The following SLC39A11 variants were observed in gnomAD, a reference collection of about 807,000 sequenced individuals.
SLC39A11 encodes solute carrier family 39 member 11.
SLC39A11 carries 33 observed loss-of-function variants against 36.1 expected under a neutral mutation model. The ratio of observed to expected loss-of-function variants is 0.91; its 90% CI spans 0.69 to 1.22. The LOEUF (loss-of-function observed/expected upper bound fraction) is 1.22. SLC39A11 is among the 50% of genes most tolerant of loss of function. SLC39A11 has a pLI of 0.00. For missense variants in SLC39A11, 432 were observed against 430.3 expected (o/e 1.00, Z -0.03); for synonymous variants, 166 against 170.3 (o/e 0.97, Z 0.20).
chr17:73,084,419 C>T (rs1247099628), intron 3 of SLC39A11, among the ~76,000 whole-genome samples: 2 of 104,084 alleles, frequency 1.9e-5, no homozygotes, highest in Non-Finnish European at 3.5e-5. Flanking sequence ...GCCTGGGTGA[C>T]AGGGTAAGGC....
At chr17:72,879,062 C>G (rs2081060470) in intron 5 of SLC39A11, among the ~76,000 whole-genome samples, 1 of 152,220 alleles carries the variant, frequency 6.6e-6, no homozygotes, top group Non-Finnish European at 1.5e-5. Context: ...CAAATGGAAG[C>G]AATGCATAGG....
At chr17:72,911,081 C>T (rs1374274533) in intron 5 of SLC39A11, among the ~76,000 whole-genome samples, 3 of 152,020 alleles carry the variant, frequency 2.0e-5, no homozygotes, top group East Asian at 1.9e-4. Flanking sequence ...ACTTATAAAA[C>T]AAGTAACAGA....
intron 7 of SLC39A11, among the ~76,000 whole-genome samples, chr17:72,674,266 CT>C (rs2071154719): frequency 6.6e-6 from 1 of 152,048 alleles, no homozygotes; most frequent in Non-Finnish European, 1.5e-5. Context: ...CTTATATCTC[CT>C]TCCTTTTTAC....
intron 6 of SLC39A11, among the ~76,000 whole-genome samples, chr17:72,805,646 T>C (rs974199001): frequency 6.6e-6 from 1 of 152,216 alleles, no homozygotes; most frequent in Non-Finnish European, 1.5e-5. Context: ...TCTTACCTGA[T>C]CAATTCTTGT....
intron 5 of SLC39A11, among the ~76,000 whole-genome samples, chr17:72,934,754 G>A (rs754105000): frequency 3.3e-5 from 5 of 152,186 alleles, no homozygotes; most frequent in East Asian, 1.9e-4. Context: ...AAGATGTACA[G>A]ATGGCAAATG....
At chr17:72,674,408 G>A in intron 7 of SLC39A11, among the ~76,000 whole-genome samples, 1 of 152,046 alleles carries the variant, frequency 6.6e-6, no homozygotes, top group South Asian at 2.1e-4. Context: ...ACTAATCCAT[G>A]GTGTGGCTAC....
At chr17:73,061,216 C>T (rs1347322729) in intron 3 of SLC39A11, among the ~76,000 whole-genome samples, 1 of 152,000 alleles carries the variant, frequency 6.6e-6, no homozygotes, top group Non-Finnish European at 1.5e-5. Context: ...AAAAATTAGC[C>T]GGGAGTGGTA....
intron 7 of SLC39A11, among the ~76,000 whole-genome samples, chr17:72,733,184 C>A (rs1018420187): frequency 6.6e-6 from 1 of 152,200 alleles, no homozygotes; most frequent in African/African-American, 2.4e-5. Context: ...CCACCTACCA[C>A]GGTGTCTTTG....
At chr17:72,948,740 C>T (rs1209684655) in intron 4 of SLC39A11, among the ~76,000 whole-genome samples, 2 of 152,196 alleles carry the variant, frequency 1.3e-5, no homozygotes, top group African/African-American at 4.8e-5. Context: ...CAGGCAAAAT[C>T]GTGCGTTTGA....
chr17:72,777,143 A>C (rs1169257212), intron 6 of SLC39A11, among the ~76,000 whole-genome samples: 1 of 152,182 alleles, frequency 6.6e-6, no homozygotes, highest in Non-Finnish European at 1.5e-5. Flanking sequence ...AATAAGACTT[A>C]AAACAACAAT....
At chr17:72,739,719 C>T (rs867371173) in intron 6 of SLC39A11, among the ~76,000 whole-genome samples, 64 of 152,252 alleles carry the variant, frequency 4.2e-4, no homozygotes, top group Middle Eastern at 3.4e-3. Context: ...AGCTCTGAGG[C>T]TGAAGGTGGC....
intron 6 of SLC39A11, among the ~76,000 whole-genome samples, chr17:72,754,261 T>A (rs946540859): frequency 1.3e-5 from 2 of 151,878 alleles, no homozygotes; most frequent in African/African-American, 4.8e-5. Context: ...TGCAAAGGCA[T>A]ACGAATGACA....
chr17:72,717,493 C>T (rs2073458119), intron 7 of SLC39A11, among the ~76,000 whole-genome samples: 1 of 152,160 alleles, frequency 6.6e-6, no homozygotes, highest in Non-Finnish European at 1.5e-5. Context: ...CATTCCCCAG[C>T]TTCTAGACAC....
At position 72,849,683 on chromosome 17, in the gene SLC39A11, C is replaced by G. The variant is rs1027614641; in HGVS notation, c.552G>C (p.Trp184Cys). 3.1e-6 allele frequency: 5 copies of G among 1,608,052 alleles called. No individual in the cohort carries two copies. Among genetic ancestry groups the G allele is most frequent in the Non-Finnish European group, 4.2e-6 (5 of 1,177,662 alleles). ...GNLAQPGGSSWRRIALLILAI... is the reference protein window; with the variant it reads ...GNLAQPGGSSCRRIALLILAI... ...CCAAGATGAGCAGTGCGATCCTCCTCCAGCTGCTGCCGCCGGGCTGTGCCA... is the reference window on the plus strand; with the variant it reads ...CCAAGATGAGCAGTGCGATCCTCCTGCAGCTGCTGCCGCCGGGCTGTGCCA... Residue 184 changes from tryptophan (W) to cysteine (C), a missense_variant, in exon 6 of 10, where the codon TGG becomes TGC. Transcript: ENST00000255559.
intron 5 of SLC39A11, among the ~76,000 whole-genome samples, chr17:72,944,760 G>A (rs1487450780): frequency 6.6e-6 from 1 of 152,084 alleles, no homozygotes; most frequent in Non-Finnish European, 1.5e-5. Flanking sequence ...ATCCAGAGAG[G>A]GCTAATTAGG....
chr17:72,746,082 G>C (rs936111712), intron 6 of SLC39A11, among the ~76,000 whole-genome samples: 1 of 152,140 alleles, frequency 6.6e-6, no homozygotes, highest in Admixed American at 6.5e-5. Context: ...ACTGAAGGAA[G>C]GTCAAGGGTG....
At chr17:72,740,056 C>CTTTTTTTTTTTTTTT (rs386386565) in intron 6 of SLC39A11, among the ~76,000 whole-genome samples, 12 of 81,462 alleles carry the variant, frequency 1.5e-4, no homozygotes, top group Non-Finnish European at 1.9e-4. Flanking sequence ...CTTTCCTTTT[C>CTTTTTTTTTTTTTTT]TTTTTTTTTT....
Position 73,068,126 on chromosome 17 carries a change from A to AT in SLC39A11, c.147+16681dup, listed in dbSNP as rs1462533792. The stretch of plus-strand genomic sequence containing the variant: ...TCCCACAGCCTTTAGCAAAATGTCA[A>AT]TTTTTTTCTTGGTGTCGCCAGCAGG... On this transcript the variant is annotated intron_variant, in intron 3 of 9. Transcript: ENST00000255559. The AT allele has an allele frequency of 4.4e-6, 6 of 1,365,956 alleles. No individual in the cohort carries two copies. The Admixed American group carries it at 9.1e-5, about 21-fold the overall frequency. 84.6% of individuals were successfully genotyped at this position (1,365,956 alleles called of 1,614,324 possible).
At chr17:72,729,405 T>TTATA (rs1162603035) in intron 7 of SLC39A11, among the ~76,000 whole-genome samples, 33 of 29,184 alleles carry the variant, frequency 1.1e-3, no homozygotes, top group Non-Finnish European at 1.4e-3. Context: ...ACCTGGCTAT[T>TTATA]TATATATATA....
Sources: gnomAD v4.1 joint callset for allele counts (sites outside exome capture counted in the v4.1 genomes callset) on GRCh38, gnomAD v4.1.1 for gene constraint, MANE v1.5 for transcripts, NCBI Gene and HGNC (gene_info 2026-07-23, HGNC 2026-07-21) for gene names.